GRM8: variants seen among roughly 807,000 people sequenced by gnomAD.
GRM8 encodes the protein metabotropic glutamate receptor 8.
A neutral mutation model predicts 87.2 loss-of-function variants in GRM8; 47 were observed. The observed-to-expected ratio is 0.54, with a 90% CI of 0.43 to 0.69. The LOEUF (loss-of-function observed/expected upper bound fraction) is 0.69. Ranked by LOEUF, GRM8 falls within the 30% of genes least tolerant of loss-of-function variation. GRM8 has a pLI of 0.00. For synonymous variants in GRM8, 396 were observed against 404.5 expected (o/e 0.98, Z 0.25); for missense variants, 1,019 against 1,139.2 (o/e 0.89, Z 1.52).
chr7:127,018,863 G>A (rs1189341016), intron 3 of GRM8, among the ~76,000 whole-genome samples: 1 of 151,940 alleles, frequency 6.6e-6, no homozygotes, highest in Non-Finnish European at 1.5e-5. Context: ...AAAAACAGAC[G>A]ACACTAGAGC....
rs113321791 is a variant in GRM8 at position 126,654,410 on chromosome 7, T to A, written c.1358-44912A>T. On this transcript the variant is annotated intron_variant, in intron 7 of 10. Transcript: ENST00000339582. The stretch of plus-strand genomic sequence containing the variant: ...TTAAGGTCAACCTCTAGTTCCAAAT[T>A]CTTAATCAGAAAAATTATGGCAGGC... 6.8e-3 allele frequency among the ~76,000 whole-genome samples: 1,028 copies of A among 152,254 alleles called. 7 individuals are homozygous for A. Among genetic ancestry groups the A allele is most frequent in the African/African-American group, 0.024 (991 of 41,540 alleles).
chr7:127,121,588 C>T (rs967360899), intron 2 of GRM8, among the ~76,000 whole-genome samples: 2 of 152,052 alleles, frequency 1.3e-5, no homozygotes, highest in South Asian at 2.1e-4. Flanking sequence ...GAAAAAAAGT[C>T]GTTTAATTGA....
At chr7:126,884,960 A>G (rs912536053) in intron 6 of GRM8, among the ~76,000 whole-genome samples, 1 of 152,202 alleles carries the variant, frequency 6.6e-6, no homozygotes, top group Admixed American at 6.5e-5. Flanking sequence ...AATCTTGCTC[A>G]TCAGCAAACA....
intron 3 of GRM8, among the ~76,000 whole-genome samples, chr7:126,971,175 A>C (rs1294021211): frequency 2.0e-5 from 3 of 151,092 alleles, no homozygotes; most frequent in South Asian, 2.1e-4. Context: ...AAAAAAAAAA[A>C]AAAAAAAAAC....
intron 9 of GRM8, among the ~76,000 whole-genome samples, chr7:126,507,657 T>C (rs1810682103): frequency 6.6e-6 from 1 of 152,106 alleles, no homozygotes; most frequent in South Asian, 2.1e-4. Flanking sequence ...AAATCTAATT[T>C]GTATTTGCCT....
chr7:127,154,799 T>C (rs947189632), intron 2 of GRM8, among the ~76,000 whole-genome samples: 2 of 152,156 alleles, frequency 1.3e-5, no homozygotes, highest in Admixed American at 1.3e-4. Flanking sequence ...GAATAAAATT[T>C]CTAAAAAGTA....
chr7:126,933,655 A>G (rs1019079548), intron 3 of GRM8, among the ~76,000 whole-genome samples: 6 of 152,186 alleles, frequency 3.9e-5, no homozygotes, highest in African/African-American at 1.4e-4. Flanking sequence ...TAGGGTTCAA[A>G]TCTTGGTTCC....
chr7:126,744,258 G>A (rs570086291), intron 7 of GRM8, among the ~76,000 whole-genome samples: 6 of 152,092 alleles, frequency 3.9e-5, no homozygotes, highest in Non-Finnish European at 5.9e-5. Flanking sequence ...TTGAAGAAAC[G>A]ACTGACATAT....
intron 9 of GRM8, among the ~76,000 whole-genome samples, chr7:126,470,130 G>T (rs1804986826): frequency 6.6e-6 from 1 of 152,146 alleles, no homozygotes; most frequent in South Asian, 2.1e-4. Flanking sequence ...TTAGAGATCT[G>T]TGGAACTTTT....
intron 3 of GRM8, among the ~76,000 whole-genome samples, chr7:127,055,271 AT>A (rs1408220551): frequency 6.6e-6 from 1 of 152,184 alleles, no homozygotes; most frequent in East Asian, 1.9e-4. Context: ...ATCTTTAAAT[AT>A]TTTTTAGGTA....
intron 8 of GRM8, among the ~76,000 whole-genome samples, chr7:126,601,466 CA>C (rs1242082123): frequency 6.6e-6 from 1 of 152,126 alleles, no homozygotes; most frequent in African/African-American, 2.4e-5. Context: ...ATGGCTGGGT[CA>C]AATGGTACTT....
chr7:126,722,306 C>T (rs928005583), intron 7 of GRM8, among the ~76,000 whole-genome samples: 2 of 152,106 alleles, frequency 1.3e-5, no homozygotes, highest in Non-Finnish European at 2.9e-5. Context: ...AGCCTAGATT[C>T]TATTTTGTTA....
intron 2 of GRM8, among the ~76,000 whole-genome samples, chr7:127,213,138 C>T (rs1300309046): frequency 1.3e-5 from 2 of 152,188 alleles, no homozygotes; most frequent in Non-Finnish European, 2.9e-5. Flanking sequence ...ACATTCCTCC[C>T]ACTGTCATGA....
intron 7 of GRM8, among the ~76,000 whole-genome samples, chr7:126,700,857 A>C (rs1809845415): frequency 2.0e-5 from 3 of 152,118 alleles, no homozygotes; most frequent in Admixed American, 2.0e-4. Flanking sequence ...CCTGTTCCCA[A>C]GATACTTTGT....
intron 6 of GRM8, among the ~76,000 whole-genome samples, chr7:126,863,252 G>A (rs1798290296): frequency 6.6e-6 from 1 of 152,064 alleles, no homozygotes; most frequent in Admixed American, 6.6e-5. Context: ...CCAGCTATAT[G>A]GGGAAGTTGG....
chr7:127,085,321 T>C (rs1823355683), intron 3 of GRM8, among the ~76,000 whole-genome samples: 1 of 152,256 alleles, frequency 6.6e-6, no homozygotes, highest in African/African-American at 2.4e-5. Context: ...CCTTTGGGTA[T>C]ATACCCAGTA....
chr7:126,785,066 T>A (rs1257666675), intron 6 of GRM8, among the ~76,000 whole-genome samples: 1 of 152,082 alleles, frequency 6.6e-6, no homozygotes, highest in African/African-American at 2.4e-5. Context: ...GGCTGGAGTG[T>A]AGTAGCTACT....
intron 2 of GRM8, among the ~76,000 whole-genome samples, chr7:127,114,979 C>G (rs1451306961): frequency 6.6e-6 from 1 of 152,072 alleles, no homozygotes; most frequent in Non-Finnish European, 1.5e-5. Flanking sequence ...TCGAGGTTGG[C>G]AGTTGTTACC....
intron 7 of GRM8, among the ~76,000 whole-genome samples, chr7:126,712,956 G>A (rs1414033068): frequency 6.6e-6 from 1 of 152,176 alleles, no homozygotes; most frequent in East Asian, 1.9e-4. Flanking sequence ...AGACGCTGGT[G>A]AGGATGTGGA....
Sources: allele counts gnomAD v4.1 joint callset (sites outside exome capture counted in the v4.1 genomes callset), GRCh38; gene constraint gnomAD v4.1.1; transcripts MANE v1.5; gene names NCBI Gene and HGNC (gene_info 2026-07-23, HGNC 2026-07-21).